Variants in RANBP2 observed in about 807,000 individuals in gnomAD.
The protein encoded by RANBP2 is E3 SUMO-protein ligase RanBP2.
RANBP2 carries 57 observed loss-of-function variants against 303.6 expected under a neutral mutation model. The observed-to-expected ratio is 0.19, with a 90% CI of 0.15 to 0.23. RANBP2 has a LOEUF of 0.23. RANBP2 is among the 10% of genes least tolerant of loss of function. RANBP2 has a pLI of 1.00. For synonymous variants in RANBP2, 1,167 were observed against 1,301.5 expected, an observed-to-expected ratio of 0.90 and a Z score of 2.23; for missense variants, 3,138 against 3,780.8, an observed-to-expected ratio of 0.83 and a Z score of 4.46.
At chr2:109,152,971 A>G in the RANBP2 span, among the ~76,000 whole-genome samples, 2 of 152,302 alleles carry the variant, frequency 1.3e-5, no homozygotes, top group African/African-American at 2.4e-5. Context: ...GTGTGAAGTC[A>G]TTGTTGTTAT....
chr2:109,412,571 C>G, the RANBP2 span, among the ~76,000 whole-genome samples: 1 of 152,216 alleles, frequency 6.6e-6, no homozygotes, highest in African/African-American at 2.4e-5. Context: ...CAGCCCAGCC[C>G]CTGCTGGTGC....
At chr2:109,184,099 G>T in the RANBP2 span, among the ~76,000 whole-genome samples, 2 of 152,216 alleles carry the variant, frequency 1.3e-5, no homozygotes, top group Non-Finnish European at 2.9e-5. Flanking sequence ...CCATGTGGTG[G>T]TTCCATGTGC....
At chr2:109,648,691 T>C in the RANBP2 span, among the ~76,000 whole-genome samples, 1 of 149,582 alleles carries the variant, frequency 6.7e-6, no homozygotes, top group Non-Finnish European at 1.5e-5. Flanking sequence ...TCTTGCTCTG[T>C]TGCCCAGGCT....
chr2:109,173,914 G>A, the RANBP2 span, among the ~76,000 whole-genome samples: 1 of 152,224 alleles, frequency 6.6e-6, no homozygotes, highest in Non-Finnish European at 1.5e-5. Flanking sequence ...GTGAAATCCG[G>A]TGTGGGCCAA....
intron 4 of RANBP2, among the ~76,000 whole-genome samples, chr2:108,732,095 ATTAATGTATACTT>A (rs1695209352): frequency 6.6e-6 from 1 of 152,220 alleles, no homozygotes; most frequent in African/African-American, 2.4e-5. Flanking sequence ...TGTTTTATAT[ATTAATGTATACTT>A]TATCGTGTGT....
At chr2:109,206,676 C>T in the RANBP2 span, among the ~76,000 whole-genome samples, 1 of 151,860 alleles carries the variant, frequency 6.6e-6, no homozygotes. Flanking sequence ...ATTAGCTGGG[C>T]ATATTAGTGT....
the RANBP2 span, among the ~76,000 whole-genome samples, chr2:109,102,431 C>A: frequency 2.1e-5 from 3 of 142,518 alleles, no homozygotes; most frequent in African/African-American, 2.6e-5. Flanking sequence ...AATTCCGCTT[C>A]AAAAAAAAAA....
chr2:109,624,197 G>A, the RANBP2 span, among the ~76,000 whole-genome samples: 2 of 152,224 alleles, frequency 1.3e-5, no homozygotes, highest in Non-Finnish European at 2.9e-5. Context: ...GCTCCAGGGA[G>A]GGGTGGCAGG....
the RANBP2 span, among the ~76,000 whole-genome samples, chr2:109,526,537 C>G: frequency 6.6e-6 from 1 of 152,106 alleles, no homozygotes; most frequent in Non-Finnish European, 1.5e-5. Context: ...GTGTCGAACT[C>G]CTGACCTCAA....
chr2:108,788,715 G>A (rs1376940619), downstream of RANBP2: 8 of 1,229,498 alleles, frequency 6.5e-6, no homozygotes, highest in East Asian at 1.1e-4. Context: ...GCGAGACTCC[G>A]TCTCAAAGAA....
At chr2:109,028,393 C>T in the RANBP2 span, among the ~76,000 whole-genome samples, 5,074 of 152,344 alleles carry the variant, frequency 0.033, 112 homozygotes, top group Middle Eastern at 0.068. Flanking sequence ...CTTACCTCCA[C>T]TGAAGGAAGA....
the RANBP2 span, among the ~76,000 whole-genome samples, chr2:109,329,151 C>T: frequency 2.6e-5 from 4 of 152,188 alleles, no homozygotes; most frequent in African/African-American, 4.8e-5. Context: ...TGGTTTCTCT[C>T]GTGTGGTTTC....
At chr2:109,372,420 C>G in the RANBP2 span, among the ~76,000 whole-genome samples, 2 of 152,302 alleles carry the variant, frequency 1.3e-5, no homozygotes, top group South Asian at 4.1e-4. Context: ...GGTGAGCTGA[C>G]CACATGCTTT....
At position 108,764,867 on chromosome 2, in the gene RANBP2, C is replaced by A. The variant is rs750454628; in HGVS notation, c.4328C>A (p.Ser1443Tyr). 21 of 1,613,968 alleles carry A rather than the reference C, an allele frequency of 1.3e-5. No individual in the cohort carries two copies. Among genetic ancestry groups the A allele is most frequent in the Non-Finnish European group, 1.7e-5 (20 of 1,179,896 alleles). Reference sequence around the variant, plus strand: ...TGCATTGCGTGTCAGAATACAAAATCTGCTAACAAAAGTGGATCTTCATTT... The same window carrying A: ...TGCATTGCGTGTCAGAATACAAAATATGCTAACAAAAGTGGATCTTCATTT... Reference protein sequence around the residue: ...SRCIACQNTKSANKSGSSFVH... With the variant: ...SRCIACQNTKYANKSGSSFVH... The change falls in exon 20 of 29, where the codon TCT becomes TAT. Residue 1443 changes from serine (S) to tyrosine (Y), a missense_variant. Ser to Tyr is a moderately radical substitution (Grantham distance 144, BLOSUM62 -2). Coordinates refer to ENST00000283195, the MANE Select transcript of RANBP2 (RefSeq NM_006267.5).
intron 1 of RANBP2, among the ~76,000 whole-genome samples, chr2:108,722,766 C>T (rs919070778): frequency 7.3e-5 from 11 of 151,358 alleles, no homozygotes; most frequent in African/African-American, 2.4e-4. Flanking sequence ...GTGGCAGCGC[C>T]TGTAGTCCCA....
the RANBP2 span, among the ~76,000 whole-genome samples, chr2:108,862,465 G>C: frequency 6.6e-6 from 1 of 152,186 alleles, no homozygotes; most frequent in Admixed American, 6.5e-5. Context: ...TTTCAGATTA[G>C]GGATGCTCAA....
the RANBP2 span, among the ~76,000 whole-genome samples, chr2:109,334,112 G>A: frequency 2.0e-5 from 3 of 152,072 alleles, no homozygotes; most frequent in Non-Finnish European, 4.4e-5. Flanking sequence ...TAATCCCAGC[G>A]CTTTGGGAGG....
the RANBP2 span, among the ~76,000 whole-genome samples, chr2:108,954,446 A>C: frequency 6.6e-6 from 1 of 152,160 alleles, no homozygotes; most frequent in Non-Finnish European, 1.5e-5. Flanking sequence ...GGTGGTCTCT[A>C]TCCCATTATG....
the RANBP2 span, among the ~76,000 whole-genome samples, chr2:109,278,662 G>C: frequency 6.6e-6 from 1 of 152,300 alleles, no homozygotes; most frequent in South Asian, 2.1e-4. Flanking sequence ...GCTTTGATTA[G>C]GTCCAGGTCT....
Sources: gnomAD v4.1 joint callset for allele counts (sites outside exome capture counted in the v4.1 genomes callset) on GRCh38, gnomAD v4.1.1 for gene constraint, MANE v1.5 for transcripts, NCBI Gene and HGNC (gene_info 2026-07-23, HGNC 2026-07-21) for gene names.